BCAR3: variants seen among roughly 807,000 people sequenced by gnomAD.
The protein encoded by BCAR3 is breast cancer anti-estrogen resistance protein 3.
BCAR3 carries 37 observed loss-of-function variants against 80.1 expected under a neutral mutation model. The ratio of observed to expected loss-of-function variants is 0.46; its 90% CI spans 0.36 to 0.61. BCAR3 has a LOEUF of 0.61. BCAR3 is among the 20% of genes least tolerant of loss of function. BCAR3 has a pLI of 0.00. For missense variants in BCAR3, 978 were observed against 1,068.2 expected, an observed-to-expected ratio of 0.92 and a Z score of 1.18; for synonymous variants, 389 against 418.9, an observed-to-expected ratio of 0.93 and a Z score of 0.87.
intron 3 of BCAR3, among the ~76,000 whole-genome samples, chr1:93,598,125 A>G (rs1674493882): frequency 6.6e-6 from 1 of 152,190 alleles, no homozygotes; most frequent in Non-Finnish European, 1.5e-5. Flanking sequence ...TCTCCAAGGA[A>G]GAAAAGCCAT....
intron 3 of BCAR3, among the ~76,000 whole-genome samples, chr1:93,640,912 G>C (rs533592537): frequency 9.8e-5 from 15 of 152,338 alleles, no homozygotes; most frequent in African/African-American, 3.4e-4. Context: ...GATTTTTAAA[G>C]AGCTGTTGTT....
chr1:93,704,079 T>C (rs1571060660), intron 3 of BCAR3, among the ~76,000 whole-genome samples: 1 of 152,190 alleles, frequency 6.6e-6, no homozygotes, highest in Admixed American at 6.5e-5. Flanking sequence ...ATCACAGAAA[T>C]TGCCATAGGG....
At chr1:93,733,964 T>C (rs1054366552) in intron 2 of BCAR3, among the ~76,000 whole-genome samples, 6 of 152,232 alleles carry the variant, frequency 3.9e-5, no homozygotes, top group African/African-American at 1.4e-4. Flanking sequence ...CTCCTAAATA[T>C]CTGGCCTTAT....
intron 7 of BCAR3, among the ~76,000 whole-genome samples, chr1:93,576,569 A>AT (rs577803262): frequency 8.5e-4 from 129 of 152,344 alleles, no homozygotes; most frequent in African/African-American, 3.0e-3. Flanking sequence ...GGGCTTTGCC[A>AT]TTCATGTTCT....
In BCAR3 at chr1:93,586,363, G is replaced by A. The variant is rs1029618075; in HGVS notation, c.930-2242C>T. On this transcript the variant is annotated intron_variant, in intron 5 of 11. Coordinates refer to ENST00000260502, the MANE Select transcript of BCAR3 (RefSeq NM_003567.4). The surrounding 1 kb of genome is among the most constrained non-coding windows in gnomAD (Gnocchi z 4.2). ...CATAATGATCTCCAATTCCATCCACGTGGTTGCAAATAACAGGATCTCATT... is the reference window on the plus strand; with the variant it reads ...CATAATGATCTCCAATTCCATCCACATGGTTGCAAATAACAGGATCTCATT... Among the ~76,000 whole-genome samples, 1 of 152,170 alleles carries A rather than the reference G, an allele frequency of 6.6e-6. No homozygotes were observed. The highest frequency in any genetic ancestry group is 2.4e-5 in the African/African-American group (1 of 41,438).
chr1:93,645,638 T>TTGTG lies in BCAR3; in HGVS notation c.318-3299_318-3296dup, dbSNP rs71588504. Among the ~76,000 whole-genome samples the TTGTG allele has an allele frequency of 1.8e-3, 274 of 149,746 alleles. 3 individuals are homozygous for TTGTG. Among genetic ancestry groups the TTGTG allele is most frequent in the African/African-American group, 5.6e-3 (230 of 40,856 alleles). ...GTACTAAAGTAAAGCTACAGGATCT[T>TTGTG]TGTGTGTGTGTGTGTGTGTATATAT... On this transcript the variant is annotated intron_variant, in intron 2 of 11. Transcript: ENST00000260502.
intron 3 of BCAR3, among the ~76,000 whole-genome samples, chr1:93,703,305 G>C (rs1043922392): frequency 3.9e-5 from 6 of 152,240 alleles, no homozygotes; most frequent in Non-Finnish European, 8.8e-5. Flanking sequence ...GCCAGGCACA[G>C]TGGCTCACAC....
At chr1:93,698,525 A>C (rs1183102351) in intron 3 of BCAR3, among the ~76,000 whole-genome samples, 1 of 152,132 alleles carries the variant, frequency 6.6e-6, no homozygotes, top group Non-Finnish European at 1.5e-5. Context: ...TAACCCCTTC[A>C]GGACCATCCC....
At chr1:93,723,342 T>C (rs1231970154) in intron 2 of BCAR3, 5 of 152,302 alleles carry the variant, frequency 3.3e-5, no homozygotes, top group African/African-American at 1.2e-4. Flanking sequence ...AAAGGCCATC[T>C]GGGCGTGGAC....
rs1169648225 is a variant in BCAR3 at position 93,759,358 on chromosome 1, G to T, written c.-62-53216C>A. ...AATTTCCTAAGTAACACTGGCCAAGGGTAACTGCAGCACCACACTGAGCTG... is the reference window on the plus strand; with the variant it reads ...AATTTCCTAAGTAACACTGGCCAAGTGTAACTGCAGCACCACACTGAGCTG... On this transcript the variant is annotated intron_variant, in intron 2 of 13. Transcript: ENST00000370244. Among the ~76,000 whole-genome samples the T allele has an allele frequency of 2.0e-5, 3 of 152,134 alleles. No homozygotes were observed. In the East Asian group the frequency reaches 5.8e-4, roughly 29 times the overall value.
Position 93,823,973 on chromosome 1 carries a change from C to T in BCAR3, c.-63+21594G>A, listed in dbSNP as rs1424738557. Among the ~76,000 whole-genome samples, 12 of 134,458 alleles carry T rather than the reference C, an allele frequency of 8.9e-5. 1 individual carries two copies. Among genetic ancestry groups the T allele is most frequent in the African/African-American group, 3.0e-4 (12 of 40,052 alleles). 88.2% of individuals were successfully genotyped at this position (134,458 alleles called of 152,430 possible). On this transcript the variant is annotated intron_variant, in intron 2 of 13. Transcript: ENST00000370244. The stretch of plus-strand genomic sequence containing the variant: ...TCGGCCTCCCAAAGTGCTAGGATTA[C>T]AGGCATGAGCCACCGCGCCTGGCCG...
chr1:93,841,232 C>A (rs534638827), intron 2 of BCAR3, among the ~76,000 whole-genome samples: 1 of 152,304 alleles, frequency 6.6e-6, no homozygotes, highest in African/African-American at 2.4e-5. Context: ...TTAAGTCAAG[C>A]CCATTTCCTA....
chr1:93,760,110 G>A (rs969284458), intron 2 of BCAR3, among the ~76,000 whole-genome samples: 1 of 152,054 alleles, frequency 6.6e-6, no homozygotes, highest in African/African-American at 2.4e-5. Context: ...CAGAGACCCA[G>A]CAAGTGCCTG....
rs1652605225 is a variant in BCAR3, at chr1:93,777,429, C to CTCCTCCTCCTCT, written c.-63+68126_-63+68137dup. On this transcript the variant is annotated intron_variant, in intron 2 of 13. Transcript: ENST00000370244. ...CCTCCTCCTCTTCCTCCTCCTCTTCCTCCTCCTCCTCTTCCTCCTCCTCCT... is the reference window on the plus strand; with the variant it reads ...CCTCCTCCTCTTCCTCCTCCTCTTCCTCCTCCTCCTCTTCCTCCTCCTCTTCCTCCTCCTCCT... Among the ~76,000 whole-genome samples, 6 of 125,176 alleles carry CTCCTCCTCCTCT rather than the reference C, an allele frequency of 4.8e-5. No individual in the cohort carries two copies. In the South Asian group the frequency reaches 7.5e-4, roughly 16 times the overall value. The allele number at this position is 125,176 out of a possible 152,430, so 82.1% of individuals were successfully genotyped here. A position where few individuals can be genotyped will look rare whatever the true frequency, so the allele number is the denominator to read the frequency against.
chr1:93,777,694 G>T (rs1652624613), intron 2 of BCAR3, among the ~76,000 whole-genome samples: 1 of 152,078 alleles, frequency 6.6e-6, no homozygotes, highest in Non-Finnish European at 1.5e-5. Flanking sequence ...CAGAGTGCTG[G>T]GATTACAGGC....
chr1:93,694,467 T>C (rs945161560), intron 3 of BCAR3, among the ~76,000 whole-genome samples: 2 of 152,064 alleles, frequency 1.3e-5, no homozygotes, highest in Non-Finnish European at 2.9e-5. Context: ...GGGCATGAAT[T>C]CTCTCCTCCA....
intron 2 of BCAR3, among the ~76,000 whole-genome samples, chr1:93,767,560 C>T (rs2100736505): frequency 6.6e-6 from 1 of 151,386 alleles, no homozygotes; most frequent in Middle Eastern, 3.4e-3. Flanking sequence ...TTTTGTGTTT[C>T]AAACCACATA....
In BCAR3 at chr1:93,574,519, T is replaced by C. The variant is rs1418411971; in HGVS notation, c.1802+1495A>G. 2.0e-5 allele frequency among the ~76,000 whole-genome samples: 3 copies of C among 152,086 alleles called. No individual in the cohort carries two copies. In the East Asian group the frequency reaches 5.8e-4, roughly 29 times the overall value. On this transcript the variant is annotated intron_variant, in intron 8 of 11. Transcript: ENST00000260502. Reference sequence around the variant, plus strand: ...CAGTCAGGAGAAAAGACAAATGAAGTGGAAAGTCAGAAAACAGCCAAGAGA... The same window carrying C: ...CAGTCAGGAGAAAAGACAAATGAAGCGGAAAGTCAGAAAACAGCCAAGAGA...
rs1673017425 is a variant in BCAR3 at position 93,567,770 on chromosome 1, G to A, written c.2056C>T (p.Pro686Ser). Residue 686 changes from proline (P) to serine (S), a missense_variant, in exon 10 of 12, where the codon CCC becomes TCC. Transcript: ENST00000260502. Reference sequence around the variant, plus strand: ...CCTTCATGCAGGAGTTTGCTGAAGGGCTTCAGCTGTTTCTCATAGAGAATG... The same window carrying A: ...CCTTCATGCAGGAGTTTGCTGAAGGACTTCAGCTGTTTCTCATAGAGAATG... ...TAILYEKQLKPFSKLLHEGRE... is the reference protein window; with the variant it reads ...TAILYEKQLKSFSKLLHEGRE... 2 of 1,614,190 alleles carry A rather than the reference G, an allele frequency of 1.2e-6. No homozygotes were observed. Among genetic ancestry groups the A allele is most frequent in the African/African-American group, 1.3e-5 (1 of 75,056 alleles).
Sources: gnomAD v4.1 joint callset for allele counts (sites outside exome capture counted in the v4.1 genomes callset) on GRCh38, gnomAD v4.1.1 for gene constraint, Gnocchi (gnomAD v3.1) non-coding constraint, MANE v1.5 for transcripts, NCBI Gene and HGNC (gene_info 2026-07-23, HGNC 2026-07-21) for gene names.